PPP3CA: variants seen among roughly 807,000 people sequenced by gnomAD.
PPP3CA encodes CAM-PRP catalytic subunit.
In PPP3CA, 14 loss-of-function variants were observed where a neutral mutation model predicts 66.5. That is an observed-to-expected ratio of 0.21 (90% CI 0.14 to 0.33). PPP3CA has a LOEUF of 0.33. PPP3CA is among the 10% of genes least tolerant of loss of function. The pLI is 1.00. For synonymous variants in PPP3CA, 232 were observed against 226.2 expected (o/e 1.03, Z -0.23); for missense variants, 317 against 639.5 (o/e 0.50, Z 5.44).
At chr4:101,055,917 ATAT>A (rs1350274378) in intron 10 of PPP3CA, among the ~76,000 whole-genome samples, 3 of 151,988 alleles carry the variant, frequency 2.0e-5, no homozygotes, top group Non-Finnish European at 4.4e-5. Flanking sequence ...AAATTAAAGC[ATAT>A]TATATTTGTG....
chr4:101,287,559 C>T (rs754962547), intron 1 of PPP3CA, among the ~76,000 whole-genome samples: 3 of 152,162 alleles, frequency 2.0e-5, no homozygotes, highest in African/African-American at 7.2e-5. Flanking sequence ...GTGTGAAGTT[C>T]AGACACCCTG....
intron 2 of PPP3CA, among the ~76,000 whole-genome samples, chr4:101,150,275 T>C (rs1560627933): frequency 6.6e-6 from 1 of 152,240 alleles, no homozygotes; most frequent in Non-Finnish European, 1.5e-5. Context: ...GATTGTCTGA[T>C]GATTCTTCCA....
chr4:101,158,242 T>A (rs530359318), intron 2 of PPP3CA: 44 of 152,336 alleles, frequency 2.9e-4, no homozygotes, highest in African/African-American at 1.0e-3. Context: ...CCTGGCCTGC[T>A]CCTGGTGCAT....
intron 2 of PPP3CA, among the ~76,000 whole-genome samples, chr4:101,159,750 G>T (rs772402609): frequency 1.3e-5 from 2 of 152,024 alleles, no homozygotes; most frequent in African/African-American, 4.8e-5. Context: ...CTTATAACAG[G>T]ATTGCAAAAT....
chr4:101,192,449 G>C (rs1724637749), intron 2 of PPP3CA, among the ~76,000 whole-genome samples: 1 of 152,068 alleles, frequency 6.6e-6, no homozygotes, highest in Admixed American at 6.5e-5. Flanking sequence ...AATGGTATCA[G>C]AGTAAGTGCT....
chr4:101,218,444 G>C (rs1725519065), intron 1 of PPP3CA, among the ~76,000 whole-genome samples: 1 of 151,966 alleles, frequency 6.6e-6, no homozygotes, highest in Non-Finnish European at 1.5e-5. Flanking sequence ...TTAAAGGATT[G>C]AAACATACTC....
At chr4:101,124,461 T>C (rs1174521910) in intron 2 of PPP3CA, among the ~76,000 whole-genome samples, 3 of 151,530 alleles carry the variant, frequency 2.0e-5, no homozygotes, top group Non-Finnish European at 4.4e-5. Flanking sequence ...CCGTCTCTAC[T>C]AAAACAATAC....
chr4:101,061,310 A>C, intron 9 of PPP3CA, 149 bp from the exon 10 acceptor site: 1 of 658,834 alleles, frequency 1.5e-6, no homozygotes, highest in Non-Finnish European at 2.7e-6. Flanking sequence ...CAGATCATAA[A>C]AGACAGCCTT....
intron 8 of PPP3CA, among the ~76,000 whole-genome samples, chr4:101,068,392 A>G (rs1040479617): frequency 1.3e-4 from 20 of 152,198 alleles, no homozygotes; most frequent in Admixed American, 3.9e-4. Flanking sequence ...CTTGGTGGAT[A>G]GAATTCCTGA....
intron 1 of PPP3CA, among the ~76,000 whole-genome samples, chr4:101,265,220 G>A (rs1432033923): frequency 2.6e-5 from 4 of 152,064 alleles, no homozygotes; most frequent in Non-Finnish European, 5.9e-5. Context: ...GGGCTTAAGC[G>A]ATCCTCCTGC....
Position 101,214,514 on chromosome 4 carries a change from C to T in PPP3CA, c.59-18398G>A, listed in dbSNP as rs78433570. On this transcript the variant is annotated intron_variant, in intron 1 of 13. Coordinates refer to ENST00000394854, the MANE Select transcript of PPP3CA (RefSeq NM_000944.5). ...AAAAAAGATCAAGACTAATGATAGGCCACCATTCAACAATGACCTCCATAC... is the reference window on the plus strand; with the variant it reads ...AAAAAAGATCAAGACTAATGATAGGTCACCATTCAACAATGACCTCCATAC... Among the ~76,000 whole-genome samples the T allele has an allele frequency of 8.5e-3, 1,288 of 152,114 alleles. 15 individuals are homozygous for T. Among genetic ancestry groups the T allele is most frequent in the Middle Eastern group, 0.024 (7 of 294 alleles).
chr4:101,191,826 G>A (rs569050943), intron 2 of PPP3CA, among the ~76,000 whole-genome samples: 1 of 152,218 alleles, frequency 6.6e-6, no homozygotes, highest in Admixed American at 6.5e-5. Flanking sequence ...AAAGCCAGAG[G>A]GTTCTCCTGG....
rs138280823 is a variant in PPP3CA, at chr4:101,288,278, T to C, written c.58+58461A>G. Among the ~76,000 whole-genome samples, 658 of 152,304 alleles carry C rather than the reference T, an allele frequency of 4.3e-3. 10 individuals carry two copies. The highest frequency in any genetic ancestry group is 0.015 in the African/African-American group (637 of 41,558). ...AACCAAAGTGAATGAATTGGTGTTG[T>C]AGAGTCACAGGTGAAGGACATTAAT... On this transcript the variant is annotated intron_variant, in intron 1 of 13. Coordinates refer to ENST00000394854, the MANE Select transcript of PPP3CA (RefSeq NM_000944.5).
At chr4:101,121,883 C>A (rs1176295829) in intron 2 of PPP3CA, among the ~76,000 whole-genome samples, 1 of 151,906 alleles carries the variant, frequency 6.6e-6, no homozygotes, top group Admixed American at 6.6e-5. Flanking sequence ...CTGATCTGGC[C>A]TTTTATCAAT....
At chr4:101,184,631 G>T (rs1451234610) in intron 2 of PPP3CA, among the ~76,000 whole-genome samples, 1 of 152,070 alleles carries the variant, frequency 6.6e-6, no homozygotes, top group African/African-American at 2.4e-5. Flanking sequence ...TTTAAAATTT[G>T]TAAGTGTCTC....
chr4:101,033,152 ACT>A (rs1372588678), intron 11 of PPP3CA, among the ~76,000 whole-genome samples: 2 of 152,116 alleles, frequency 1.3e-5, no homozygotes, highest in African/African-American at 4.8e-5. Flanking sequence ...ATAACCACTC[ACT>A]CTTTCCACAT....
intron 1 of PPP3CA, among the ~76,000 whole-genome samples, chr4:101,196,752 G>A (rs951249979): frequency 6.6e-6 from 1 of 152,168 alleles, no homozygotes; most frequent in Non-Finnish European, 1.5e-5. Context: ...ACGAGATACA[G>A]GTATTTTTAA....
At chr4:101,092,501 T>C (rs569365238) in intron 6 of PPP3CA, among the ~76,000 whole-genome samples, 1 of 152,076 alleles carries the variant, frequency 6.6e-6, no homozygotes, top group South Asian at 2.1e-4. Context: ...GTTTGTTACA[T>C]AGGTATACAT....
At position 101,035,904 on chromosome 4, in the gene PPP3CA, GCTTCTC is replaced by G. The variant is rs530002645; in HGVS notation, c.1242-3546_1242-3541del. Among the ~76,000 whole-genome samples, 16 of 152,156 alleles carry G rather than the reference GCTTCTC, an allele frequency of 1.1e-4. No individual in the cohort carries two copies. In the East Asian group the frequency reaches 2.5e-3, roughly 24 times the overall value. Reference sequence around the variant, plus strand: ...AGGTGTTGTAATGCTTTTTTCTCCTGCTTCTCCTTCTCCTTCTCTGACATCTTTTCA... The same window carrying G: ...AGGTGTTGTAATGCTTTTTTCTCCTGCTTCTCCTTCTCTGACATCTTTTCA... On this transcript the variant is annotated intron_variant, in intron 11 of 13. Transcript: ENST00000394854.
Sources: gnomAD v4.1 joint callset for allele counts (sites outside exome capture counted in the v4.1 genomes callset) on GRCh38, gnomAD v4.1.1 for gene constraint, MANE v1.5 for transcripts, NCBI Gene and HGNC (gene_info 2026-07-23, HGNC 2026-07-21) for gene names.